The following CEP95 variants were observed in gnomAD, a reference collection of about 807,000 sequenced individuals.
CEP95 encodes centrosomal protein of 95 kDa.
In CEP95, 98 loss-of-function variants were observed where a neutral mutation model predicts 111.2. The ratio of observed to expected loss-of-function variants is 0.88; its 90% CI spans 0.75 to 1.04. The LOEUF (loss-of-function observed/expected upper bound fraction) is 1.04, where lower values mean the gene tolerates loss of function less well. CEP95 is among the 50% of genes least tolerant of loss of function. The pLI, the probability that CEP95 is intolerant of heterozygous loss-of-function variation, is 0.00. For synonymous variants in CEP95, 323 were observed against 327.1 expected, an observed-to-expected ratio of 0.99 and a Z score of 0.14; for missense variants, 1,027 against 977.2, an observed-to-expected ratio of 1.05 and a Z score of -0.68.
chr17:64,528,418 C>G (rs1968023578), intron 11 of CEP95, among the ~76,000 whole-genome samples: 1 of 152,078 alleles, frequency 6.6e-6, no homozygotes, highest in African/African-American at 2.4e-5. Context: ...TCTTCCTTTC[C>G]CTTTTTATGT....
At chr17:64,513,192 A>C (rs1202975125) in intron 3 of CEP95, among the ~76,000 whole-genome samples, 2 of 152,220 alleles carry the variant, frequency 1.3e-5, no homozygotes, top group Non-Finnish European at 2.9e-5. Flanking sequence ...TAGTAGTATA[A>C]AACGTCAAAT....
At chr17:64,523,652 A>G (rs1312923243) in intron 8 of CEP95, among the ~76,000 whole-genome samples, 5 of 152,138 alleles carry the variant, frequency 3.3e-5, no homozygotes, top group Non-Finnish European at 5.9e-5. Context: ...GGTGGCTCAC[A>G]CCCATAATCC....
intron 6 of CEP95, among the ~76,000 whole-genome samples, chr17:64,521,067 A>G (rs1967295997): frequency 6.6e-6 from 1 of 151,950 alleles, no homozygotes; most frequent in Non-Finnish European, 1.5e-5. Context: ...ACATAGTGAA[A>G]CCCTGTCACA....
At chr17:64,519,056 G>A (rs1364114822) in intron 5 of CEP95, among the ~76,000 whole-genome samples, 1 of 152,108 alleles carries the variant, frequency 6.6e-6, no homozygotes, top group African/African-American at 2.4e-5. Context: ...GATATTTAAT[G>A]CAAAGTTAGC....
In CEP95 at chr17:64,508,956, C is replaced by T. The variant is rs8071125; in HGVS notation, c.148+236C>T. On this transcript the variant is annotated intron_variant, in intron 2 of 19. Transcript: ENST00000556440. ...TAATATTGTATTCCTTAAGGAATAC[C>T]CTGTGGAACCCACTCATAATAACGG... Among the ~76,000 whole-genome samples, 458 of 151,254 alleles carry T rather than the reference C, an allele frequency of 3.0e-3. 2 individuals are homozygous for T. Among genetic ancestry groups the T allele is most frequent in the African/African-American group, 0.011 (445 of 41,184 alleles).
chr17:64,522,718 G>A lies in CEP95; in HGVS notation c.732G>A (p.Val244=). 1 of 1,612,824 alleles carries A rather than the reference G, an allele frequency of 6.2e-7. No individual in the cohort carries two copies. The highest frequency in any genetic ancestry group is 8.5e-7 in the Non-Finnish European group (1 of 1,179,398). ...TCTTACTAGCGGAAACCCTTTCTGTGAGTGGGATTCCAAATGCTAGGAAGC... is the reference window on the plus strand; with the variant it reads ...TCTTACTAGCGGAAACCCTTTCTGTAAGTGGGATTCCAAATGCTAGGAAGC... ...SFVEDTETLS[V]SGIPNARKLG... Residue 244 remains valine (V), a synonymous_variant, in exon 8 of 20, where the codon GTG becomes GTA. Coordinates refer to ENST00000556440, the MANE Select transcript of CEP95 (RefSeq NM_138363.3).
intron 3 of CEP95, among the ~76,000 whole-genome samples, chr17:64,511,551 G>A (rs2038898417): frequency 6.6e-6 from 1 of 152,196 alleles, no homozygotes; most frequent in Admixed American, 6.5e-5. Flanking sequence ...CTGAACAATT[G>A]CTGTTATCCT....
chr17:64,529,819 A>G (rs1968132974), intron 12 of CEP95, among the ~76,000 whole-genome samples: 1 of 152,212 alleles, frequency 6.6e-6, no homozygotes, highest in African/African-American at 2.4e-5. Context: ...GGGATTCAAC[A>G]ACAGGGAGAT....
intron 16 of CEP95, 125 bp from the exon 17 acceptor site, chr17:64,534,451 TCTGGGGCCA>T (rs1409253876): frequency 6.8e-6 from 5 of 738,572 alleles, no homozygotes; most frequent in Admixed American, 5.6e-5. Context: ...CTGAAGGGCT[TCTGGGGCCA>T]CTGGCCCCCC....
chr17:64,516,907 C>T lies in CEP95; in HGVS notation c.473+79C>T, dbSNP rs1598197516. 6 of 739,684 alleles carry T rather than the reference C, an allele frequency of 8.1e-6. No homozygotes were observed. The East Asian group carries it at 1.3e-4, about 16-fold the overall frequency. 45.8% of individuals were successfully genotyped at this position (739,684 alleles called of 1,614,324 possible). A position where few individuals can be genotyped will look rare whatever the true frequency, so the allele number is the denominator to read the frequency against. On this transcript the variant is annotated intron_variant, in intron 5 of 19. Transcript: ENST00000556440. Reference sequence around the variant, plus strand: ...AGAATTAAAATCACACGTAATATACCAAGATGGCACCAAAAAAAGCTAATG... The same window carrying T: ...AGAATTAAAATCACACGTAATATACTAAGATGGCACCAAAAAAAGCTAATG...
At position 64,516,755 on chromosome 17, in the gene CEP95, C is replaced by G; in HGVS notation, c.400C>G (p.Arg134Gly). ...ETEQYFKESDRGERLEEPEST... is the reference protein window; with the variant it reads ...ETEQYFKESDGGERLEEPEST... ...TGAACAGTATTTTAAAGAATCTGAT[C>G]GAGGAGAACGTTTGGAAGAGCCAGA... The change falls in exon 5 of 20, where the codon CGA becomes GGA. Residue 134 changes from arginine (R) to glycine (G), a missense_variant. Arg to Gly is a moderately radical substitution (Grantham distance 125). Coordinates refer to ENST00000556440, the MANE Select transcript of CEP95 (RefSeq NM_138363.3). The G allele has an allele frequency of 1.9e-6, 3 of 1,611,448 alleles. No homozygotes were observed. The highest frequency in any genetic ancestry group is 2.5e-6 in the Non-Finnish European group (3 of 1,177,908).
chr17:64,512,892 G>T (rs1424515241), intron 3 of CEP95, among the ~76,000 whole-genome samples: 1 of 152,108 alleles, frequency 6.6e-6, no homozygotes, highest in African/African-American at 2.4e-5. Context: ...CTATAGCAGG[G>T]TTATAAACAT....
At chr17:64,523,541 T>C (rs1435970518) in intron 8 of CEP95, among the ~76,000 whole-genome samples, 1 of 151,628 alleles carries the variant, frequency 6.6e-6, no homozygotes, top group East Asian at 1.9e-4. Context: ...CGCTCCAGCC[T>C]GGGTGACAGA....
chr17:64,511,694 A>G (rs1023874944), intron 3 of CEP95, among the ~76,000 whole-genome samples: 13 of 152,246 alleles, frequency 8.5e-5, no homozygotes, highest in African/African-American at 3.1e-4. Context: ...TGACAGGATT[A>G]AGAGATTAAA....
Position 64,537,128 on chromosome 17 carries a change from G to A in CEP95, c.2289+16G>A. 6.2e-7 allele frequency: 1 copy of A among 1,608,620 alleles called. No individual in the cohort carries two copies. ...TCAGGCCCAGGTAATAATTAAGATA[G>A]AAGCCAAGTCATGCACTGCATGGCA... On this transcript the variant is annotated intron_variant, in intron 19 of 19. Coordinates refer to ENST00000556440, the MANE Select transcript of CEP95 (RefSeq NM_138363.3).
rs1555677163 is a variant in CEP95 at position 64,519,394 on chromosome 17, A to G, written c.547A>G (p.Arg183Gly). The G allele has an allele frequency of 1.2e-6, 2 of 1,613,828 alleles. No individual in the cohort carries two copies. The highest frequency in any genetic ancestry group is 1.7e-6 in the Non-Finnish European group (2 of 1,179,726). Residue 183 changes from arginine to glycine, a missense_variant, in exon 6 of 20, where the codon AGA becomes GGA. Transcript: ENST00000556440. ...DEAESTGEII[R>G]LGDTAHTFSL... ...AGCAGAATCCACTGGTGAAATCATT[A>G]GACTTGGAGACACAGCACACACCTT...
chr17:64,532,221 A>G (rs1968330346), intron 14 of CEP95, 199 bp downstream of exon 14: 3 of 1,247,500 alleles, frequency 2.4e-6, no homozygotes, highest in Admixed American at 3.9e-5. Flanking sequence ...AGGGAGGCCT[A>G]TATATTGGCA....
At chr17:64,537,280 C>T (rs1409523683) in intron 19 of CEP95, 168 bp downstream of exon 19, 4 of 1,401,824 alleles carry the variant, frequency 2.9e-6, no homozygotes, top group Non-Finnish European at 2.8e-6. Context: ...TGCACAACAA[C>T]AAAATCATTT....
intron 1 of CEP95, 148 bp downstream of exon 1, chr17:64,507,264 GTC>G (rs1555673253): frequency 6.7e-6 from 10 of 1,494,406 alleles, no homozygotes; most frequent in Non-Finnish European, 8.9e-6. Context: ...CCTGGATAGG[GTC>G]TCTCAGCTTC....
Sources: allele counts gnomAD v4.1 joint callset (sites outside exome capture counted in the v4.1 genomes callset), GRCh38; gene constraint gnomAD v4.1.1; transcripts MANE v1.5; gene names NCBI Gene and HGNC (gene_info 2026-07-23, HGNC 2026-07-21).